JARID2: variants seen among roughly 807,000 people sequenced by gnomAD.
JARID2 encodes jumonji and AT-rich interaction domain containing 2.
In JARID2, 21 loss-of-function variants were observed where a neutral mutation model predicts 125.6. That is an observed-to-expected ratio of 0.17 (90% CI 0.12 to 0.24). The LOEUF is 0.24. Ranked by LOEUF, JARID2 falls within the 10% of genes least tolerant of loss-of-function variation. JARID2 has a pLI of 1.00. For synonymous variants in JARID2, 736 were observed against 661.6 expected, an observed-to-expected ratio of 1.11 and a Z score of -1.73; for missense variants, 1,303 against 1,639.6, an observed-to-expected ratio of 0.79 and a Z score of 3.55.
chr6:15,359,062 A>T (rs1329530830), intron 1 of JARID2, among the ~76,000 whole-genome samples: 1 of 152,200 alleles, frequency 6.6e-6, no homozygotes, highest in Non-Finnish European at 1.5e-5. Context: ...TGGTGATAAG[A>T]AGACTTGTTA....
intron 1 of JARID2, among the ~76,000 whole-genome samples, chr6:15,264,722 C>T (rs1760018064): frequency 6.6e-6 from 1 of 151,944 alleles, no homozygotes; most frequent in Admixed American, 6.6e-5. Flanking sequence ...AACTGGAAAT[C>T]TGTGTTCTGC....
At chr6:15,438,583 C>T (rs767521574) in intron 3 of JARID2, among the ~76,000 whole-genome samples, 2 of 152,130 alleles carry the variant, frequency 1.3e-5, no homozygotes, top group African/African-American at 2.4e-5. Flanking sequence ...TATTGTGGTT[C>T]CTCCTGGCAG....
intron 1 of JARID2, among the ~76,000 whole-genome samples, chr6:15,354,740 T>C (rs1433824104): frequency 5.9e-5 from 9 of 152,158 alleles, no homozygotes; most frequent in Admixed American, 5.9e-4. Flanking sequence ...ACATGACTGG[T>C]GAAATTCAGC....
At chr6:15,465,889 C>A (rs1468650166) in intron 4 of JARID2, among the ~76,000 whole-genome samples, 2 of 151,992 alleles carry the variant, frequency 1.3e-5, no homozygotes, top group South Asian at 2.1e-4. Context: ...CTGCAACCTT[C>A]GCCTCCCGGG....
chr6:15,374,601 G>A (rs1430101692), intron 2 of JARID2, among the ~76,000 whole-genome samples: 1 of 152,176 alleles, frequency 6.6e-6, no homozygotes, highest in Non-Finnish European at 1.5e-5. Context: ...GGGTTGTATA[G>A]GAAATAGCCT....
At chr6:15,297,311 G>T (rs1226245669) in intron 1 of JARID2, among the ~76,000 whole-genome samples, 5 of 151,508 alleles carry the variant, frequency 3.3e-5, no homozygotes, top group Non-Finnish European at 7.4e-5. Context: ...ACCACGCCTG[G>T]CTAGTTTTTG....
chr6:15,381,597 T>C (rs1369327349), intron 2 of JARID2, among the ~76,000 whole-genome samples: 2 of 152,214 alleles, frequency 1.3e-5, no homozygotes, highest in African/African-American at 2.4e-5. Flanking sequence ...TTATTTTTTG[T>C]TTACAAAGGA....
intron 3 of JARID2, among the ~76,000 whole-genome samples, chr6:15,413,023 G>GTTTTTTTTTTT (rs1349875486): frequency 3.4e-4 from 23 of 68,034 alleles, no homozygotes; most frequent in Non-Finnish European, 5.2e-4. Flanking sequence ...TTTTTTTTTT[G>GTTTTTTTTTTT]TTTTTTTTTT....
intron 9 of JARID2, among the ~76,000 whole-genome samples, chr6:15,506,779 C>T (rs1430634896): frequency 6.6e-6 from 1 of 152,218 alleles, no homozygotes; most frequent in African/African-American, 2.4e-5. Context: ...TATGTTGTAG[C>T]ATGTGTCAGA....
intron 1 of JARID2, among the ~76,000 whole-genome samples, chr6:15,314,618 C>T (rs1016147601): frequency 1.3e-5 from 2 of 152,170 alleles, no homozygotes; most frequent in Admixed American, 6.5e-5. Context: ...TGTATAGAAG[C>T]GGACAGAACC....
intron 3 of JARID2, among the ~76,000 whole-genome samples, chr6:15,413,824 G>A (rs1325881664): frequency 1.3e-5 from 2 of 152,066 alleles, no homozygotes; most frequent in Admixed American, 6.5e-5. Context: ...ACATTATTCC[G>A]TTCACGAGGG....
intron 2 of JARID2, among the ~76,000 whole-genome samples, chr6:15,405,129 CAT>C (rs2127561095): frequency 6.6e-6 from 1 of 152,352 alleles, no homozygotes; most frequent in African/African-American, 2.4e-5. Flanking sequence ...CAACGCCCAT[CAT>C]ATAAGGCAAG....
intron 2 of JARID2, among the ~76,000 whole-genome samples, chr6:15,404,687 G>A (rs929977828): frequency 6.6e-6 from 1 of 152,128 alleles, no homozygotes; most frequent in Non-Finnish European, 1.5e-5. Flanking sequence ...CTATAATACA[G>A]AATTACCTTT....
intron 1 of JARID2, among the ~76,000 whole-genome samples, chr6:15,261,498 T>G (rs1479559880): frequency 6.6e-6 from 1 of 151,754 alleles, no homozygotes; most frequent in Non-Finnish European, 1.5e-5. Context: ...TTGTGTTTTT[T>G]GTAGAGACAG....
At chr6:15,443,011 G>A (rs1767512544) in intron 3 of JARID2, among the ~76,000 whole-genome samples, 1 of 151,924 alleles carries the variant, frequency 6.6e-6, no homozygotes, top group African/African-American at 2.4e-5. Flanking sequence ...ATATCTTGTA[G>A]ATATTTAGTG....
intron 2 of JARID2, among the ~76,000 whole-genome samples, chr6:15,401,452 C>T (rs1765430555): frequency 1.3e-5 from 2 of 152,306 alleles, no homozygotes; most frequent in Non-Finnish European, 2.9e-5. Context: ...GATCATTTCC[C>T]AGCATTTAAA....
At chr6:15,431,292 TC>T (rs1766955665) in intron 3 of JARID2, among the ~76,000 whole-genome samples, 2 of 152,164 alleles carry the variant, frequency 1.3e-5, no homozygotes, top group African/African-American at 2.4e-5. Flanking sequence ...CTGTGAGTCT[TC>T]CTGATTAATG....
intron 1 of JARID2, among the ~76,000 whole-genome samples, chr6:15,349,919 T>C (rs1463944235): frequency 6.6e-6 from 1 of 152,190 alleles, no homozygotes; most frequent in Non-Finnish European, 1.5e-5. Context: ...ATTCTCAGGC[T>C]ATGATTCTGC....
chr6:15,515,654 C>CGG (rs371980695), intron 16 of JARID2, among the ~76,000 whole-genome samples: 4 of 151,212 alleles, frequency 2.6e-5, no homozygotes, highest in East Asian at 1.9e-4. Flanking sequence ...GGTGTGGTGG[C>CGG]GGGGGTATCA....
Sources: gnomAD v4.1 joint callset for allele counts (sites outside exome capture counted in the v4.1 genomes callset) on GRCh38, gnomAD v4.1.1 for gene constraint, MANE v1.5 for transcripts, NCBI Gene and HGNC (gene_info 2026-07-23, HGNC 2026-07-21) for gene names.